Variants in CDH23 observed in about 807,000 individuals in gnomAD.
CDH23 encodes cadherin-23.
Under a neutral mutation model 317.1 loss-of-function variants are expected in CDH23, and 189 were observed. The observed-to-expected ratio is 0.60, with a 90% CI of 0.53 to 0.67. The LOEUF is 0.67. Ranked by LOEUF, CDH23 falls within the 30% of genes least tolerant of loss-of-function variation. The pLI, the probability that CDH23 is intolerant of heterozygous loss-of-function variation, is 0.00. For missense variants in CDH23, 4,401 were observed against 4,592.4 expected (o/e 0.96, Z 1.20); for synonymous variants, 1,839 against 1,876.8 (o/e 0.98, Z 0.52).
chr10:71,762,269 A>G (rs569160589), intron 38 of CDH23, among the ~76,000 whole-genome samples: 1 of 152,330 alleles, frequency 6.6e-6, no homozygotes, highest in East Asian at 1.9e-4. Context: ...CAGGGCAGGG[A>G]GAGACTTGGA....
In CDH23 at chr10:71,590,896, A is replaced by C. The variant is rs572781281; in HGVS notation, c.832+12904A>C. On this transcript the variant is annotated intron_variant, in intron 9 of 69. Coordinates refer to ENST00000224721, the MANE Select transcript of CDH23 (RefSeq NM_022124.6). ...TCTAAAAAAAAAAAAACAAAAAAAA[A>C]CAAAAAAAAACACCAGTCTCTTCTC... 2.3e-4 allele frequency among the ~76,000 whole-genome samples: 22 copies of C among 94,310 alleles called. No individual in the cohort carries two copies. In the East Asian group the frequency reaches 9.4e-3, roughly 40 times the overall value. 61.9% of individuals were successfully genotyped at this position (94,310 alleles called of 152,430 possible).
chr10:71,456,315 A>T (rs1850693150), intron 3 of CDH23, among the ~76,000 whole-genome samples: 3 of 151,464 alleles, frequency 2.0e-5, no homozygotes, highest in Admixed American at 1.3e-4. Flanking sequence ...GAGTTGGGGG[A>T]TGACTGACAG....
rs867434811 is a variant in CDH23 at position 71,766,453 on chromosome 10, A to G, written c.4846-11227A>G. Among the ~76,000 whole-genome samples, 3 of 151,628 alleles carry G rather than the reference A, an allele frequency of 2.0e-5. 1 individual carries two copies. The South Asian group carries it at 6.3e-4, about 32-fold the overall frequency. ...GGAAAGCCTGAGTCTCAGGAGTAAAACTCTCGCTTGGATTGCAACGTCCTG... is the reference window on the plus strand; with the variant it reads ...GGAAAGCCTGAGTCTCAGGAGTAAAGCTCTCGCTTGGATTGCAACGTCCTG... On this transcript the variant is annotated intron_variant, in intron 38 of 69. Transcript: ENST00000224721.
rs1859873781 is a variant in CDH23, at chr10:71,596,751, C to A, written c.833-18753C>A. On this transcript the variant is annotated intron_variant, in intron 9 of 69. Transcript: ENST00000224721. ...GGATAGGTCACAAAGGGCCAAGTTG[C>A]AGAAAGTGCTGGAAGCCAGGTGGAC... Among the ~76,000 whole-genome samples, 2 of 152,168 alleles carry A rather than the reference C, an allele frequency of 1.3e-5. 1 individual carries two copies. The highest frequency in any genetic ancestry group is 4.1e-4 in the South Asian group (2 of 4,836).
chr10:71,687,372 C>T (rs1049069998), intron 18 of CDH23, among the ~76,000 whole-genome samples: 4 of 152,122 alleles, frequency 2.6e-5, no homozygotes, highest in African/African-American at 9.7e-5. Context: ...TCGGCAGTCC[C>T]AGCTGCTGCC....
intron 38 of CDH23, chr10:71,753,081 G>A: frequency 1.3e-6 from 2 of 1,533,932 alleles, no homozygotes; most frequent in Non-Finnish European, 1.8e-6. Flanking sequence ...GCTGGCAGAT[G>A]CCCTGCAGGG....
chr10:71,741,537 CGCT>C (rs1410497489), intron 37 of CDH23, among the ~76,000 whole-genome samples, 154 bp from the exon 38 acceptor site: 2 of 152,196 alleles, frequency 1.3e-5, no homozygotes, highest in Non-Finnish European at 2.9e-5. Flanking sequence ...ACAGAATGTT[CGCT>C]GCTATCATCC....
intron 14 of CDH23, among the ~76,000 whole-genome samples, chr10:71,668,840 C>T (rs1019251514): frequency 6.6e-6 from 1 of 152,214 alleles, no homozygotes; most frequent in Non-Finnish European, 1.5e-5. Context: ...GAATTTTTCA[C>T]CCCCGTATGT....
Position 71,799,228 on chromosome 10 carries a change from A to T in CDH23, c.7172A>T (p.Glu2391Val). 6.2e-7 allele frequency: 1 copy of T among 1,614,052 alleles called. No homozygotes were observed. Among genetic ancestry groups the T allele is most frequent in the Non-Finnish European group, 8.5e-7 (1 of 1,179,892 alleles). Residue 2391 changes from glutamate to valine, a missense_variant, in exon 51 of 70, where the codon GAA (glutamate) becomes GTA (valine). Glu to Val is a moderately radical substitution (Grantham distance 121). Around this residue, in one of 3 missense-constraint regions of CDH23, gnomAD observed 189 missense variants for 250.9 expected, o/e 0.75. Coordinates refer to ENST00000224721, the MANE Select transcript of CDH23 (RefSeq NM_022124.6). ...PRAAEIPVYL[E>V]IVDINDNNPI... ...GCAGCTGAGATCCCTGTCTACCTGG[A>T]AATCGTGGACATCAATGACAACAAC...
chr10:71,795,293 A>G (rs1452783035), intron 48 of CDH23, among the ~76,000 whole-genome samples: 1 of 152,120 alleles, frequency 6.6e-6, no homozygotes, highest in Non-Finnish European at 1.5e-5. Flanking sequence ...GATAAACTCA[A>G]TCTGCATTTG....
rs11311051 is a variant in CDH23 at position 71,777,433 on chromosome 10, TG to T, written c.4846-242del. Among the ~76,000 whole-genome samples, 133,765 of 152,198 alleles carry T rather than the reference TG, an allele frequency of 0.88. 58,931 individuals carry two copies. The highest frequency in any genetic ancestry group is 0.93 in the African/African-American group (38,482 of 41,536). Reference sequence around the variant, plus strand: ...TCTGTGATTGATTAGTGATGTCTGCTGGGGGTCGCAGACATAGGAGTGGTGG... The same window carrying T: ...TCTGTGATTGATTAGTGATGTCTGCTGGGGTCGCAGACATAGGAGTGGTGG... On this transcript the variant is annotated intron_variant, in intron 38 of 69. Transcript: ENST00000224721.
At chr10:71,618,610 C>T (rs943487739) in intron 11 of CDH23, among the ~76,000 whole-genome samples, 3 of 152,158 alleles carry the variant, frequency 2.0e-5, no homozygotes, top group Admixed American at 1.3e-4. Flanking sequence ...GTGGGGCTGC[C>T]GCGGTGGCCT....
chr10:71,414,973 G>T (rs766508012), intron 1 of CDH23, among the ~76,000 whole-genome samples: 24 of 152,158 alleles, frequency 1.6e-4, no homozygotes, highest in Admixed American at 1.0e-3. Flanking sequence ...AATTCCAAAA[G>T]AATTGACATA....
intron 9 of CDH23, among the ~76,000 whole-genome samples, chr10:71,609,995 TGAGAGAGACAGAGAGACGA>T (rs1860774058): frequency 7.1e-6 from 1 of 140,822 alleles, no homozygotes; most frequent in Non-Finnish European, 1.6e-5. Flanking sequence ...TGTGTGTGTG[TGAGAGAGACAGAGAGACGA>T]GAGAGAGAGA....
chr10:71,581,434 C>A (rs12766154), intron 9 of CDH23, among the ~76,000 whole-genome samples: 8,979 of 152,286 alleles, frequency 0.059, 377 homozygotes, highest in Admixed American at 0.089. Flanking sequence ...CAGGCCTGAG[C>A]CCACAATGGA....
chr10:71,647,458 G>T (rs1862949172), intron 14 of CDH23, among the ~76,000 whole-genome samples: 1 of 45,532 alleles, frequency 2.2e-5, no homozygotes, highest in Admixed American at 1.9e-4. Context: ...GCCAGATTCT[G>T]TCTCAAAAAA....
At chr10:71,584,090 T>C (rs1400477626) in intron 9 of CDH23, among the ~76,000 whole-genome samples, 2 of 152,220 alleles carry the variant, frequency 1.3e-5, no homozygotes, top group Non-Finnish European at 2.9e-5. Flanking sequence ...GACCACACTT[T>C]GAGAAGCTCT....
chr10:71,739,314 C>A (rs7896769), intron 35 of CDH23, among the ~76,000 whole-genome samples: 1 of 152,054 alleles, frequency 6.6e-6, no homozygotes, highest in East Asian at 1.9e-4. Flanking sequence ...CAGGTAATGC[C>A]GCAGCGTGTG....
At chr10:71,811,234 G>A in intron 62 of CDH23, 81 bp from the exon 63 acceptor site, 1 of 1,602,426 alleles carries the variant, frequency 6.2e-7, no homozygotes, top group South Asian at 1.1e-5. Flanking sequence ...AACTTTGGAG[G>A]CTTGAGGCAG....
Sources: gnomAD v4.1 joint callset for allele counts (sites outside exome capture counted in the v4.1 genomes callset) on GRCh38, gnomAD v4.1.1 for gene constraint, gnomAD v4.1.1 regional missense constraint, MANE v1.5 for transcripts, NCBI Gene and HGNC (gene_info 2026-07-23, HGNC 2026-07-21) for gene names.